SPECC1: variants seen among roughly 807,000 people sequenced by gnomAD.
The protein encoded by SPECC1 is cytospin-B.
SPECC1 carries 62 observed loss-of-function variants against 104.1 expected under a neutral mutation model. The observed-to-expected ratio is 0.60, with a 90% CI of 0.49 to 0.74. The LOEUF (loss-of-function observed/expected upper bound fraction) is 0.74. Ranked by LOEUF, SPECC1 falls within the 30% of genes least tolerant of loss-of-function variation. The pLI is 0.00. For synonymous variants in SPECC1, 513 were observed against 501.6 expected, an observed-to-expected ratio of 1.02 and a Z score of -0.30; for missense variants, 1,306 against 1,310.5, an observed-to-expected ratio of 1.00 and a Z score of 0.05.
Position 20,115,269 on chromosome 17 carries a change from T to A in SPECC1, c.283+4707T>A, listed in dbSNP as rs192443807. Among the ~76,000 whole-genome samples the A allele has an allele frequency of 1.4e-3, 209 of 152,114 alleles. 5 individuals carry two copies. The East Asian group carries it at 0.031, about 22-fold the overall frequency. On this transcript the variant is annotated intron_variant, in intron 3 of 14. Transcript: ENST00000395527. Reference sequence around the variant, plus strand: ...GTGGGTGGATCATGAGGTCAGGAGATCAAGACTAGCCTGGCCAACATGGTG... The same window carrying A: ...GTGGGTGGATCATGAGGTCAGGAGAACAAGACTAGCCTGGCCAACATGGTG...
chr17:20,109,478 C>T (rs1259494975), intron 2 of SPECC1, among the ~76,000 whole-genome samples: 2 of 152,180 alleles, frequency 1.3e-5, no homozygotes, highest in East Asian at 3.9e-4. Flanking sequence ...CTATCTGGGC[C>T]TGAAGTGTGG....
intron 12 of SPECC1, among the ~76,000 whole-genome samples, chr17:20,283,215 A>T (rs968314302): frequency 2.0e-5 from 3 of 152,186 alleles, no homozygotes. Flanking sequence ...AGATTAAAGC[A>T]ATAATATGAA....
At chr17:20,238,217 G>A in intron 7 of SPECC1, 1 of 1,039,772 alleles carries the variant, frequency 9.6e-7, no homozygotes, top group Non-Finnish European at 1.2e-6. Context: ...CGGTGACAAT[G>A]GCAATAGAAA....
chr17:20,069,372 T>C (rs2046467817), intron 1 of SPECC1, among the ~76,000 whole-genome samples: 1 of 152,204 alleles, frequency 6.6e-6, no homozygotes, highest in African/African-American at 2.4e-5. Flanking sequence ...AAGTCCACTT[T>C]ATCTAGTTTG....
At position 20,118,317 on chromosome 17, in the gene SPECC1, A is replaced by C. The variant is rs151237545; in HGVS notation, c.283+7755A>C. Among the ~76,000 whole-genome samples the C allele has an allele frequency of 3.6e-3, 541 of 152,300 alleles. 1 individual carries two copies. The highest frequency in any genetic ancestry group is 0.013 in the African/African-American group (523 of 41,562). On this transcript the variant is annotated intron_variant, in intron 3 of 14. Transcript: ENST00000395527. ...TCACCAAGCATTTCTATTATTTAGCACTTAACGGTTACTGATATTCTTGGA... is the reference window on the plus strand; with the variant it reads ...TCACCAAGCATTTCTATTATTTAGCCCTTAACGGTTACTGATATTCTTGGA...
chr17:20,142,367 C>T (rs2030918769), intron 3 of SPECC1, among the ~76,000 whole-genome samples: 1 of 152,132 alleles, frequency 6.6e-6, no homozygotes, highest in African/African-American at 2.4e-5. Flanking sequence ...TATTTGTGCG[C>T]CCGTGTTCTT....
At chr17:20,156,151 C>T in intron 3 of SPECC1, 2 of 1,433,030 alleles carry the variant, frequency 1.4e-6, no homozygotes, top group Non-Finnish European at 1.8e-6. Context: ...ACGGTGGACA[C>T]CCGGTCCGAG....
In SPECC1 at chr17:20,318,435, G is replaced by C. The variant is rs901573650; in HGVS notation, c.*4370G>C. The C allele has an allele frequency of 4.8e-5, 11 of 231,434 alleles. No individual in the cohort carries two copies. Among genetic ancestry groups the C allele is most frequent in the Non-Finnish European group, 8.5e-5 (10 of 116,998 alleles). The allele number at this position is 231,434 out of a possible 1,614,324, so 14.3% of individuals were successfully genotyped here. On this transcript the variant is annotated 3_prime_UTR_variant, in exon 15 of 15. Coordinates refer to ENST00000395527, the MANE Select transcript of SPECC1 (RefSeq NM_001243439.2). ...GAGACCAACCCAAGTAGATGCAGGT[G>C]GGTGTTAGATAAAAACACACATCCC...
chr17:20,195,009 A>T (rs1292490295), intron 3 of SPECC1, among the ~76,000 whole-genome samples: 1 of 152,202 alleles, frequency 6.6e-6, no homozygotes, highest in Non-Finnish European at 1.5e-5. Context: ...AAAACAAAGG[A>T]TCAGTAGTGT....
intron 5 of SPECC1, among the ~76,000 whole-genome samples, chr17:20,228,025 G>A (rs563904166): frequency 1.3e-5 from 2 of 152,178 alleles, no homozygotes; most frequent in East Asian, 1.9e-4. Flanking sequence ...ATTTGAGTGC[G>A]CTGTAATCTC....
At chr17:20,232,741 G>A (rs1021567900) in intron 7 of SPECC1, among the ~76,000 whole-genome samples, 4 of 152,114 alleles carry the variant, frequency 2.6e-5, no homozygotes, top group African/African-American at 9.7e-5. Context: ...TAATAAATAC[G>A]AATCCACCAC....
chr17:20,139,865 G>A (rs1597800067), intron 3 of SPECC1, among the ~76,000 whole-genome samples: 1 of 152,146 alleles, frequency 6.6e-6, no homozygotes, highest in Non-Finnish European at 1.5e-5. Flanking sequence ...TAGTAGAGAC[G>A]GGGTTTCGCT....
At chr17:20,206,906 T>C (rs2151361028) in intron 4 of SPECC1, among the ~76,000 whole-genome samples, 1 of 152,346 alleles carries the variant, frequency 6.6e-6, no homozygotes, top group Admixed American at 6.5e-5. Flanking sequence ...ATTTCATTTT[T>C]TTAACCTTTT....
Position 20,194,509 on chromosome 17 carries a change from T to TTTTTTTTTTTTTTTTATTTTTTTTA in SPECC1, c.284-9809_284-9808insATTTTTTTTATTTTTTTTTTTTTTT, listed in dbSNP as rs2035892963. Among the ~76,000 whole-genome samples, 3 of 123,238 alleles carry TTTTTTTTTTTTTTTTATTTTTTTTA rather than the reference T, an allele frequency of 2.4e-5. No individual in the cohort carries two copies. In the South Asian group the frequency reaches 8.7e-4, roughly 36 times the overall value. The allele number at this position is 123,238 out of a possible 152,430, so 80.8% of individuals were successfully genotyped here. A position where few individuals can be genotyped will look rare whatever the true frequency, so the allele number is the denominator to read the frequency against. Reference sequence around the variant, plus strand: ...TGTTAGAAAAGAGAACGAATTTTTTTTTTTTTTTTTTTTTTTGAGACAGAG... The same window carrying TTTTTTTTTTTTTTTTATTTTTTTTA: ...TGTTAGAAAAGAGAACGAATTTTTTTTTTTTTTTTTTTTTTATTTTTTTTATTTTTTTTTTTTTTTTGAGACAGAG... On this transcript the variant is annotated intron_variant, in intron 3 of 14. Transcript: ENST00000395527.
At chr17:20,242,199 A>C (rs941399613) in intron 7 of SPECC1, among the ~76,000 whole-genome samples, 2 of 152,238 alleles carry the variant, frequency 1.3e-5, no homozygotes, top group Non-Finnish European at 2.9e-5. Flanking sequence ...CAATGACATA[A>C]AGTGCTGTTT....
intron 1 of SPECC1, among the ~76,000 whole-genome samples, chr17:20,084,683 T>A (rs1340879068): frequency 6.6e-6 from 1 of 152,236 alleles, no homozygotes; most frequent in Non-Finnish European, 1.5e-5. Flanking sequence ...TTTGGTGTTG[T>A]AACTAAGAAA....
At chr17:20,156,138 G>A (rs2032476798) in intron 3 of SPECC1, 7 of 1,399,348 alleles carry the variant, frequency 5.0e-6, no homozygotes, top group Non-Finnish European at 5.6e-6. Context: ...GCGCGAGCTC[G>A]GCACGGTGGA....
At chr17:20,107,536 A>T (rs1301471440) in intron 2 of SPECC1, among the ~76,000 whole-genome samples, 1 of 146,964 alleles carries the variant, frequency 6.8e-6, no homozygotes, top group Non-Finnish European at 1.5e-5. Context: ...GGCTCACTGT[A>T]ACCTCCATCT....
intron 3 of SPECC1, among the ~76,000 whole-genome samples, chr17:20,179,510 G>C (rs1196507997): frequency 6.6e-6 from 1 of 152,242 alleles, no homozygotes; most frequent in Non-Finnish European, 1.5e-5. Context: ...TATTTAATGG[G>C]AGGTAGACCC....
Sources: gnomAD v4.1 joint callset for allele counts (sites outside exome capture counted in the v4.1 genomes callset) on GRCh38, gnomAD v4.1.1 for gene constraint, MANE v1.5 for transcripts, NCBI Gene and HGNC (gene_info 2026-07-23, HGNC 2026-07-21) for gene names.